The following RASA4B variants were observed in gnomAD, a reference collection of about 807,000 sequenced individuals.
The protein encoded by RASA4B is RAS p21 protein activator 4B, also known as ras GTPase-activating protein 4B.
Under a neutral mutation model 24.2 loss-of-function variants are expected in RASA4B, and 2 were observed. The ratio of observed to expected loss-of-function variants is 0.08; its 90% CI spans 0.03 to 0.26. The LOEUF (loss-of-function observed/expected upper bound fraction) is 0.26, where lower values mean the gene tolerates loss of function less well. RASA4B is among the 10% of genes least tolerant of loss of function. The probability of loss-of-function intolerance (pLI) is 1.00; values close to 1 mark genes in which losing one functional copy is unlikely to be tolerated. For missense variants in RASA4B, 8 were observed against 277.2 expected (o/e 0.03, Z 6.90); for synonymous variants, 2 against 125.6 (o/e 0.02, Z 6.58).
rs538913748 is a variant in RASA4B, at chr7:102,481,214, C to CTTTTTTT, written c.*2371_*2377dup. Among the ~76,000 whole-genome samples, 2 of 64,810 alleles carry CTTTTTTT rather than the reference C, an allele frequency of 3.1e-5. No homozygotes were observed. Among genetic ancestry groups the CTTTTTTT allele is most frequent in the East Asian group, 6.9e-4 (1 of 1,442 alleles). The allele number at this position is 64,810 out of a possible 152,430, so 42.5% of individuals were successfully genotyped here. A position where few individuals can be genotyped will look rare whatever the true frequency, so the allele number is the denominator to read the frequency against. On this transcript the variant is annotated 3_prime_UTR_variant, in exon 21 of 21. Coordinates refer to ENST00000465829, the MANE Select transcript of RASA4B (RefSeq NM_001367767.2). ...AAATTTCAAGTCTCCTTTATTTTCCCTTTTTTTTTTTTTTTTTTTTAATTT... is the reference window on the plus strand; with the variant it reads ...AAATTTCAAGTCTCCTTTATTTTCCCTTTTTTTTTTTTTTTTTTTTTTTTTTTAATTT...
chr7:102,492,578 C>T (rs1798988522), intron 16 of RASA4B, among the ~76,000 whole-genome samples: 1 of 138,094 alleles, frequency 7.2e-6, no homozygotes, highest in Admixed American at 7.5e-5. Context: ...ATAGTACTAC[C>T]TGCCAGGCCC....
chr7:102,484,812 G>C (rs1262610507), intron 19 of RASA4B, among the ~76,000 whole-genome samples: 4 of 147,556 alleles, frequency 2.7e-5, no homozygotes, highest in African/African-American at 9.8e-5. Context: ...CAGGGGAACA[G>C]CTGGGCAGGT....
At chr7:102,488,860 C>CT (rs1414813738) in intron 17 of RASA4B, among the ~76,000 whole-genome samples, 3,944 of 128,316 alleles carry the variant, frequency 0.031, no homozygotes, top group African/African-American at 0.037. Flanking sequence ...TGGCTAATTT[C>CT]TTTTTTTTAG....
intron 17 of RASA4B, among the ~76,000 whole-genome samples, chr7:102,489,766 A>C (rs1586762274): frequency 7.5e-6 from 1 of 133,566 alleles, no homozygotes; most frequent in African/African-American, 2.7e-5. Flanking sequence ...CCTTCAAGTC[A>C]CTATCACAAT....
chr7:102,511,426 C>T (rs1212429006), intron 2 of RASA4B, among the ~76,000 whole-genome samples: 1 of 111,466 alleles, frequency 9.0e-6, no homozygotes, highest in Non-Finnish European at 2.0e-5. Flanking sequence ...AGAGCCAGGA[C>T]CAGGGAGGGG....
At chr7:102,504,115 CT>C (rs776617466) in intron 5 of RASA4B, among the ~76,000 whole-genome samples, 38 of 135,716 alleles carry the variant, frequency 2.8e-4, no homozygotes, top group Admixed American at 5.3e-4. Flanking sequence ...TTATTCTTTT[CT>C]TTTTTTTTTT....
chr7:102,496,682 G>A lies in RASA4B; in HGVS notation c.856-63C>T. On this transcript the variant is annotated intron_variant, in intron 9 of 20. Transcript: ENST00000465829. ...TCTGAGGACCTCAGAGCATCCCAGG[G>A]AAAGAGGACAGTTTCCCAAGGGGTG... The A allele has an allele frequency of 6.8e-6, 9 of 1,314,430 alleles. 3 individuals carry two copies. Among genetic ancestry groups the A allele is most frequent in the Non-Finnish European group, 9.5e-6 (9 of 949,608 alleles). 81.4% of individuals were successfully genotyped at this position (1,314,430 alleles called of 1,614,324 possible).
intron 8 of RASA4B, among the ~76,000 whole-genome samples, chr7:102,500,395 C>T (rs1799321133): frequency 7.9e-6 from 1 of 126,778 alleles, no homozygotes; most frequent in Admixed American, 8.4e-5. Context: ...TGGCGTGAAC[C>T]CGGGAGGCGG....
chr7:102,496,119 C>G, intron 11 of RASA4B, 21 bp downstream of exon 11: 2 of 1,613,748 alleles, frequency 1.2e-6, no homozygotes, highest in Non-Finnish European at 1.7e-6. Context: ...AAGATGAGGA[C>G]AATATAGCAT....
At chr7:102,491,603 AC>A (rs1227586746) in intron 16 of RASA4B, among the ~76,000 whole-genome samples, 2 of 66,392 alleles carry the variant, frequency 3.0e-5, no homozygotes, top group African/African-American at 5.7e-5. Flanking sequence ...CTCCGTGTCT[AC>A]TAAAAATACA....
chr7:102,498,330 C>T (rs1202202384), intron 8 of RASA4B, among the ~76,000 whole-genome samples: 19 of 148,476 alleles, frequency 1.3e-4, no homozygotes, highest in East Asian at 8.1e-4. Context: ...GGCGCGATCT[C>T]GGCTCACTGC....
chr7:102,490,652 G>A (rs1416334051), intron 17 of RASA4B, among the ~76,000 whole-genome samples: 1 of 152,234 alleles, frequency 6.6e-6, no homozygotes, highest in Non-Finnish European at 1.5e-5. Flanking sequence ...TGCGGTGCCT[G>A]ATGTAGCTGG....
intron 17 of RASA4B, among the ~76,000 whole-genome samples, chr7:102,489,687 A>G (rs1439559228): frequency 1.3e-5 from 2 of 148,770 alleles, no homozygotes; most frequent in African/African-American, 4.9e-5. Context: ...ACCACTCTTA[A>G]TAGGACAGAC....
chr7:102,510,447 CT>C (rs1219847085), intron 2 of RASA4B, among the ~76,000 whole-genome samples, 155 bp from the exon 3 acceptor site: 2 of 105,110 alleles, frequency 1.9e-5, no homozygotes, highest in Non-Finnish European at 2.3e-5. Context: ...TCACTACCCC[CT>C]GACATTCCTC....
intron 16 of RASA4B, among the ~76,000 whole-genome samples, chr7:102,491,957 A>AC (rs1183759092): frequency 1.6e-4 from 4 of 24,416 alleles, no homozygotes; most frequent in Non-Finnish European, 5.4e-4. Context: ...CGCAAAAAAA[A>AC]AAGTTAAAGA....
At chr7:102,507,903 TG>T (rs1799586303) in intron 4 of RASA4B, among the ~76,000 whole-genome samples, 1 of 142,124 alleles carries the variant, frequency 7.0e-6, no homozygotes, top group Non-Finnish European at 1.5e-5. Flanking sequence ...AGCAGGTGTG[TG>T]TGGGGGGAAG....
At chr7:102,507,232 CAA>C (rs766013501) in intron 4 of RASA4B, among the ~76,000 whole-genome samples, 86 of 12,070 alleles carry the variant, frequency 7.1e-3, no homozygotes, top group African/African-American at 9.5e-3. Context: ...GACCCCATCT[CAA>C]AAAAAAAAAA....
In RASA4B at chr7:102,496,182, C is replaced by G. The variant is rs1799118007; in HGVS notation, c.1029G>C (p.Arg343=). 2.5e-6 allele frequency: 4 copies of G among 1,613,740 alleles called. No individual in the cohort carries two copies. Among genetic ancestry groups the G allele is most frequent in the Non-Finnish European group, 3.4e-6 (4 of 1,179,758 alleles). The change falls in exon 11 of 21, where the codon CGG becomes CGC. Residue 343 remains arginine (R), a synonymous_variant. Coordinates refer to ENST00000465829, the MANE Select transcript of RASA4B (RefSeq NM_001367767.2). The part of the protein sequence containing the change: ...SRTSETNTLF[R]SNSLASKSVE... Reference sequence around the variant, plus strand: ...CGGACTTTGAGGCCAGAGAGTTGCTCCGGAACAGGGTGTTGGTCTCACCTA... The same window carrying G: ...CGGACTTTGAGGCCAGAGAGTTGCTGCGGAACAGGGTGTTGGTCTCACCTA...
chr7:102,480,259 G>A lies in RASA4B; in HGVS notation c.*3333C>T, dbSNP rs1411802516. Among the ~76,000 whole-genome samples the A allele has an allele frequency of 6.6e-6, 1 of 152,190 alleles. No individual in the cohort carries two copies. The highest frequency in any genetic ancestry group is 1.5e-5 in the Non-Finnish European group (1 of 68,040). ...ACCCGCTACTTAGCAGACCAGGAAA[G>A]GGAGTGTACAGTGAGATCAGGATGA... On this transcript the variant is annotated 3_prime_UTR_variant, in exon 21 of 21. Coordinates refer to ENST00000465829, the MANE Select transcript of RASA4B (RefSeq NM_001367767.2).
Sources: allele counts gnomAD v4.1 joint callset (sites outside exome capture counted in the v4.1 genomes callset), GRCh38; gene constraint gnomAD v4.1.1; transcripts MANE v1.5; gene names NCBI Gene and HGNC (gene_info 2026-07-23, HGNC 2026-07-21).